The following PHACTR4 variants were observed in gnomAD, a reference collection of about 807,000 sequenced individuals.
PHACTR4 encodes the protein protein phosphatase 1, regulatory subunit 124.
Under a neutral mutation model 72.7 loss-of-function variants are expected in PHACTR4, and 51 were observed. The ratio of observed to expected loss-of-function variants is 0.70; its 90% confidence interval spans 0.56 to 0.89. PHACTR4 has a LOEUF of 0.89. Among genes scored for constraint, PHACTR4 ranks in the 40% least tolerant of loss-of-function variants. The pLI is 0.00. For missense variants in PHACTR4, 731 were observed against 861.8 expected (o/e 0.85, Z 1.90); for synonymous variants, 255 against 302.5 (o/e 0.84, Z 1.63).
chr1:28,399,960 TG>T (rs1352225308), intron 1 of PHACTR4, among the ~76,000 whole-genome samples: 6 of 152,188 alleles, frequency 3.9e-5, no homozygotes, highest in African/African-American at 1.4e-4. Context: ...GTGCTTGTTA[TG>T]TTACAGAAAC....
chr1:28,466,710 C>G lies in PHACTR4; in HGVS notation c.765C>G (p.Ala255=). The change falls in exon 6 of 14, where the codon GCC becomes GCG. Residue 255 remains alanine (A), a synonymous_variant. Coordinates refer to ENST00000373839, the MANE Select transcript of PHACTR4 (RefSeq NM_001048183.3). Reference sequence around the variant, plus strand: ...CAAGCCTCACTCATATGGTCCCTGCCAAGCAGCCCCCTATCCCTCCCCCTA... The same window carrying G: ...CAAGCCTCACTCATATGGTCCCTGCGAAGCAGCCCCCTATCCCTCCCCCTA... ...ATPSLTHMVP[A]KQPPIPPPKP... 6.2e-7 allele frequency: 1 copy of G among 1,614,006 alleles called. No individual in the cohort carries two copies. The highest frequency in any genetic ancestry group is 1.1e-5 in the South Asian group (1 of 91,080).
intron 1 of PHACTR4, among the ~76,000 whole-genome samples, chr1:28,390,369 C>A (rs529537003): frequency 5.3e-5 from 8 of 152,302 alleles, no homozygotes; most frequent in South Asian, 2.1e-4. Flanking sequence ...CTCAATCTTA[C>A]AATTCTCATA....
At chr1:28,453,897 G>A in intron 2 of PHACTR4, 1 of 820,548 alleles carries the variant, frequency 1.2e-6, no homozygotes, top group East Asian at 3.4e-5. Flanking sequence ...AGAGGACCCT[G>A]GATGTAATTC....
intron 2 of PHACTR4, among the ~76,000 whole-genome samples, chr1:28,443,157 T>C (rs181025379): frequency 3.5e-4 from 53 of 152,314 alleles, no homozygotes; most frequent in African/African-American, 1.2e-3. Context: ...TTAGCTTCTA[T>C]GTATGAGTGA....
rs796633179 is a variant in PHACTR4, at chr1:28,487,518, C to CAAAA, written c.1761-1636_1761-1633dup. The stretch of plus-strand genomic sequence containing the variant: ...ACAGAGTGAGACCCTGACACACACA[C>CAAAA]AAAAAAAAAAAAAAAAAAAGGAAGG... On this transcript the variant is annotated intron_variant, in intron 9 of 13. Transcript: ENST00000373839. Among the ~76,000 whole-genome samples, 257 of 76,678 alleles carry CAAAA rather than the reference C, an allele frequency of 3.4e-3. 2 individuals are homozygous for CAAAA. The highest frequency in any genetic ancestry group is 0.015 in the Middle Eastern group (2 of 132). The allele number at this position is 76,678 out of a possible 152,430, so 50.3% of individuals were successfully genotyped here.
chr1:28,482,543 A>G (rs1660344158), intron 9 of PHACTR4, among the ~76,000 whole-genome samples: 1 of 152,180 alleles, frequency 6.6e-6, no homozygotes, highest in East Asian at 1.9e-4. Flanking sequence ...CTCCCAGTAA[A>G]GAGAGGATAA....
In PHACTR4 at chr1:28,465,668, CTT is replaced by C; in HGVS notation, c.272-16_272-15del. 2 of 1,608,212 alleles carry C rather than the reference CTT, an allele frequency of 1.2e-6. No homozygotes were observed. The highest frequency in any genetic ancestry group is 1.7e-6 in the Non-Finnish European group (2 of 1,178,210). Reference sequence around the variant, plus strand: ...CATGCCAACTTCATCACTTTGTACTCTTCTTTCACCTTGCAGGTGGTGAGGAT... The same window carrying C: ...CATGCCAACTTCATCACTTTGTACTCCTTTCACCTTGCAGGTGGTGAGGAT... On this transcript the variant is annotated splice_polypyrimidine_tract_variant and intron_variant, in intron 4 of 13. Coordinates refer to ENST00000373839, the MANE Select transcript of PHACTR4 (RefSeq NM_001048183.3).
intron 2 of PHACTR4, among the ~76,000 whole-genome samples, chr1:28,425,484 T>C (rs560826724): frequency 2.0e-5 from 3 of 152,376 alleles, no homozygotes; most frequent in African/African-American, 7.2e-5. Context: ...ATAGTCATCC[T>C]AGTTCTTCTA....
At chr1:28,479,629 T>TA (rs1660149646) in intron 8 of PHACTR4, among the ~76,000 whole-genome samples, 1 of 149,454 alleles carries the variant, frequency 6.7e-6, no homozygotes, top group African/African-American at 2.5e-5. Flanking sequence ...CTCACGCCTA[T>TA]AATCCCTGCA....
At chr1:28,465,551 G>T in intron 4 of PHACTR4, 134 bp from the exon 5 acceptor site, 1 of 886,464 alleles carries the variant, frequency 1.1e-6, no homozygotes. Context: ...AGGAGTTCAA[G>T]ACCAGCCTGG....
chr1:28,418,376 G>T (rs894299217), intron 2 of PHACTR4, among the ~76,000 whole-genome samples: 1 of 151,862 alleles, frequency 6.6e-6, no homozygotes, highest in African/African-American at 2.4e-5. Flanking sequence ...AGCTACTTGG[G>T]AGGCTGAGGC....
At chr1:28,460,110 C>T (rs966022675) in intron 3 of PHACTR4, 102 bp from the exon 4 acceptor site, 2 of 656,400 alleles carry the variant, frequency 3.0e-6, no homozygotes, top group African/African-American at 3.7e-5. Context: ...AGAATATAAA[C>T]TTAAACTACT....
intron 1 of PHACTR4, among the ~76,000 whole-genome samples, chr1:28,378,265 G>A (rs1248966033): frequency 2.0e-5 from 3 of 147,260 alleles, no homozygotes; most frequent in Non-Finnish European, 4.4e-5. Flanking sequence ...ACTTTGGGAG[G>A]CTGAGGCGGG....
At chr1:28,422,847 T>C (rs1477515302) in intron 2 of PHACTR4, among the ~76,000 whole-genome samples, 2 of 152,106 alleles carry the variant, frequency 1.3e-5, no homozygotes, top group Non-Finnish European at 2.9e-5. Context: ...AGTGCAGTGG[T>C]GCCATCTCAG....
chr1:28,408,274 A>C (rs891876293), intron 2 of PHACTR4, among the ~76,000 whole-genome samples: 2 of 151,150 alleles, frequency 1.3e-5, no homozygotes, highest in African/African-American at 2.4e-5. Context: ...GATAACATGA[A>C]AGTGACTGGG....
At chr1:28,395,639 T>C (rs975467842) in intron 1 of PHACTR4, among the ~76,000 whole-genome samples, 2 of 53,694 alleles carry the variant, frequency 3.7e-5, no homozygotes, top group Non-Finnish European at 6.6e-5. Flanking sequence ...TAAGCATAAC[T>C]TTTTTTTTTT....
At chr1:28,377,218 G>A (rs57586125) in intron 1 of PHACTR4, among the ~76,000 whole-genome samples, 57,470 of 150,430 alleles carry the variant, frequency 0.38, 12,628 homozygotes, top group African/African-American at 0.6. Flanking sequence ...GATTACAGGC[G>A]TGAGCCTCCG....
chr1:28,391,535 TAGAC>T (rs145168853), intron 1 of PHACTR4, among the ~76,000 whole-genome samples: 4,845 of 151,118 alleles, frequency 0.032, 298 homozygotes, highest in African/African-American at 0.11. Context: ...AAATTTCTGT[TAGAC>T]AGAAGGAATA....
intron 3 of PHACTR4, 53 bp downstream of exon 3, chr1:28,459,311 A>G (rs1658634570): frequency 6.7e-7 from 1 of 1,490,058 alleles, no homozygotes; most frequent in South Asian, 1.2e-5. Context: ...TCTATGTTAG[A>G]TGTATTTAAT....
Sources: allele counts gnomAD v4.1 joint callset (sites outside exome capture counted in the v4.1 genomes callset), GRCh38; gene constraint gnomAD v4.1.1; transcripts MANE v1.5; gene names NCBI Gene and HGNC (gene_info 2026-07-23, HGNC 2026-07-21).